Variants in CCSER1 observed in about 807,000 individuals in gnomAD.
CCSER1 encodes coiled-coil serine rich protein 1, also known as serine-rich coiled-coil domain-containing protein 1.
In CCSER1, 41 loss-of-function variants were observed where a neutral mutation model predicts 82.0. That is an observed-to-expected ratio of 0.50 (90% CI 0.39 to 0.65). The LOEUF (loss-of-function observed/expected upper bound fraction) is 0.65, where lower values mean the gene tolerates loss of function less well. Among genes scored for constraint, CCSER1 ranks in the 30% least tolerant of loss-of-function variants. The probability of loss-of-function intolerance (pLI) is 0.00; values close to 1 mark genes in which losing one functional copy is unlikely to be tolerated. For missense variants in CCSER1, 1,119 were observed against 1,064.2 expected, an observed-to-expected ratio of 1.05 and a Z score of -0.72; for synonymous variants, 414 against 383.9, an observed-to-expected ratio of 1.08 and a Z score of -0.92.
chr4:90,397,360 T>C (rs1190825328), intron 3 of CCSER1, among the ~76,000 whole-genome samples: 3 of 152,224 alleles, frequency 2.0e-5, no homozygotes, highest in African/African-American at 7.2e-5. Context: ...TGGCAGAGAT[T>C]TTAATATTTC....
At chr4:91,463,498 G>C (rs4637361) in intron 10 of CCSER1, among the ~76,000 whole-genome samples, 127,549 of 152,262 alleles carry the variant, frequency 0.84, 53,908 homozygotes, top group African/African-American at 0.94. Flanking sequence ...CAGAACAAAG[G>C]TGGACAGAGA....
intron 3 of CCSER1, among the ~76,000 whole-genome samples, chr4:90,340,688 C>A (rs559718670): frequency 1.2e-4 from 19 of 152,194 alleles, no homozygotes; most frequent in African/African-American, 4.3e-4. Context: ...TTGGCAATTT[C>A]TAGCAATTTA....
rs28410634 is a variant in CCSER1 at position 90,273,822 on chromosome 4, T to C, written c.-41-34422T>C. On this transcript the variant is annotated intron_variant, in intron 1 of 10. Coordinates refer to ENST00000509176, the MANE Select transcript of CCSER1 (RefSeq NM_001145065.2). ...AAGAGTTCCAGGCACTTGAAAAACA[T>C]AGAAGAAAGGAAGGGAAAGAAGCAC... is the stretch of plus-strand genomic sequence containing the variant. Among the ~76,000 whole-genome samples the C allele has an allele frequency of 6.3e-3, 953 of 152,156 alleles. 8 individuals carry two copies. The highest frequency in any genetic ancestry group is 0.022 in the African/African-American group (924 of 41,522).
At chr4:90,289,745 A>T (rs979921825) in intron 1 of CCSER1, among the ~76,000 whole-genome samples, 24 of 151,814 alleles carry the variant, frequency 1.6e-4, no homozygotes, top group African/African-American at 5.8e-4. Context: ...AAAGGTTAAA[A>T]CACTTTACCT....
At chr4:90,197,531 A>G (rs1267107266) in intron 1 of CCSER1, among the ~76,000 whole-genome samples, 2 of 152,158 alleles carry the variant, frequency 1.3e-5, no homozygotes, top group Non-Finnish European at 2.9e-5. Flanking sequence ...AAACAACCTA[A>G]CTGTCCATCA....
At chr4:90,492,882 GAT>G (rs1451720425) in intron 5 of CCSER1, among the ~76,000 whole-genome samples, 1 of 152,136 alleles carries the variant, frequency 6.6e-6, no homozygotes, top group Non-Finnish European at 1.5e-5. Context: ...TGATCTGAGA[GAT>G]AGTTTGTTAA....
chr4:91,521,219 AT>A, intron 10 of CCSER1, among the ~76,000 whole-genome samples: 2 of 152,270 alleles, frequency 1.3e-5, no homozygotes, highest in African/African-American at 2.4e-5. Context: ...TGAACTCATC[AT>A]TTTTTATGGC....
rs1031945288 is a variant in CCSER1, at chr4:91,522,779, C to A, written c.2218-75793C>A. Among the ~76,000 whole-genome samples, 15 of 152,012 alleles carry A rather than the reference C, an allele frequency of 9.9e-5. No homozygotes were observed. The South Asian group carries it at 1.4e-3, about 15-fold the overall frequency. On this transcript the variant is annotated intron_variant, in intron 10 of 10. Transcript: ENST00000509176. ...CAGCTTAAGGAGATTTTGGGCTGAGCTGATGGGGTTTTCTAAATATACAAT... is the reference window on the plus strand; with the variant it reads ...CAGCTTAAGGAGATTTTGGGCTGAGATGATGGGGTTTTCTAAATATACAAT...
intron 1 of CCSER1, among the ~76,000 whole-genome samples, chr4:90,238,946 G>A (rs188288745): frequency 1.8e-4 from 27 of 152,038 alleles, no homozygotes; most frequent in Admixed American, 1.0e-3. Flanking sequence ...CATCTCCCAG[G>A]TTCAAGCGAT....
intron 10 of CCSER1, among the ~76,000 whole-genome samples, chr4:91,166,738 C>T (rs1393493412): frequency 2.6e-5 from 4 of 151,974 alleles, no homozygotes; most frequent in Admixed American, 2.6e-4. Flanking sequence ...GTTTTTTTAA[C>T]CACAAAACTA....
chr4:90,781,197 T>G, intron 7 of CCSER1: 28 of 894,756 alleles, frequency 3.1e-5, no homozygotes, highest in Non-Finnish European at 3.6e-5. Context: ...CAACTCGACA[T>G]GAGATTTGAG....
At chr4:90,619,975 C>T (rs567354623) in intron 5 of CCSER1, among the ~76,000 whole-genome samples, 2 of 152,144 alleles carry the variant, frequency 1.3e-5, no homozygotes, top group East Asian at 1.9e-4. Flanking sequence ...TACACAGTCA[C>T]GTCAACCTTC....
At chr4:90,995,692 A>G (rs936467494) in intron 9 of CCSER1, among the ~76,000 whole-genome samples, 2 of 152,200 alleles carry the variant, frequency 1.3e-5, no homozygotes, top group African/African-American at 4.8e-5. Flanking sequence ...GCATAGCACA[A>G]TAACATAATT....
At chr4:91,039,119 C>T (rs1741697171) in intron 9 of CCSER1, among the ~76,000 whole-genome samples, 1 of 152,194 alleles carries the variant, frequency 6.6e-6, no homozygotes, top group East Asian at 1.9e-4. Flanking sequence ...GCCTCAACCA[C>T]TTGGCTCAAG....
At position 90,243,063 on chromosome 4, in the gene CCSER1, T is replaced by TC. The variant is rs1229400037; in HGVS notation, c.-41-65181_-41-65180insC. ...TCTCTCTCTCTTTTCTCTCTCTCTC[T>TC]TTTTTTTTTTTTTTTTTTAAAATAG... On this transcript the variant is annotated intron_variant, in intron 1 of 10. Transcript: ENST00000509176. Among the ~76,000 whole-genome samples the TC allele has an allele frequency of 7.3e-3, 749 of 102,178 alleles. 3 individuals carry two copies. The highest frequency in any genetic ancestry group is 0.012 in the African/African-American group (242 of 19,516). The allele number at this position is 102,178 out of a possible 152,430, so 67.0% of individuals were successfully genotyped here. A position where few individuals can be genotyped will look rare whatever the true frequency, so the allele number is the denominator to read the frequency against.
intron 9 of CCSER1, among the ~76,000 whole-genome samples, chr4:90,955,727 C>A (rs1326176714): frequency 6.6e-6 from 1 of 152,128 alleles, no homozygotes; most frequent in Non-Finnish European, 1.5e-5. Flanking sequence ...GCACATGCCT[C>A]ATTTCTATTA....
intron 5 of CCSER1, among the ~76,000 whole-genome samples, chr4:90,512,606 A>G (rs1363944443): frequency 6.6e-6 from 1 of 152,170 alleles, no homozygotes; most frequent in South Asian, 2.1e-4. Context: ...TAATTTTAGC[A>G]ATAATTCAAA....
intron 3 of CCSER1, among the ~76,000 whole-genome samples, chr4:90,325,222 T>A (rs1263074308): frequency 6.6e-6 from 1 of 152,216 alleles, no homozygotes; most frequent in African/African-American, 2.4e-5. Flanking sequence ...ACCTCCTACA[T>A]TATTAAACTT....
intron 9 of CCSER1, among the ~76,000 whole-genome samples, chr4:90,927,760 G>T (rs1182178952): frequency 6.6e-6 from 1 of 151,984 alleles, no homozygotes; most frequent in African/African-American, 2.4e-5. Flanking sequence ...GGTGCTCCTG[G>T]CGCAGTTTGC....
Sources: gnomAD v4.1 joint callset for allele counts (sites outside exome capture counted in the v4.1 genomes callset) on GRCh38, gnomAD v4.1.1 for gene constraint, MANE v1.5 for transcripts, NCBI Gene and HGNC (gene_info 2026-07-23, HGNC 2026-07-21) for gene names.